The following MAST4 variants were observed in gnomAD, a reference collection of about 807,000 sequenced individuals.
MAST4 encodes the protein microtubule associated serine/threonine kinase family member 4.
MAST4 carries 89 observed loss-of-function variants against 162.7 expected under a neutral mutation model. That is an observed-to-expected ratio of 0.55 (90% CI 0.46 to 0.65). The LOEUF (loss-of-function observed/expected upper bound fraction) is 0.65. MAST4 is among the 30% of genes least tolerant of loss of function. The pLI is 0.00. For synonymous variants in MAST4, 1,479 were observed against 1,361.1 expected (o/e 1.09, Z -1.91); for missense variants, 3,153 against 3,374.0 (o/e 0.93, Z 1.62).
At chr5:67,005,135 G>C (rs1581171279) in intron 4 of MAST4, 1 of 722,476 alleles carries the variant, frequency 1.4e-6, no homozygotes, top group East Asian at 2.6e-5. Flanking sequence ...TCACTTCCCA[G>C]GGGCCCACAG....
intron 4 of MAST4, among the ~76,000 whole-genome samples, chr5:67,051,240 C>T (rs139021928): frequency 6.7e-6 from 1 of 149,722 alleles, no homozygotes; most frequent in Non-Finnish European, 1.5e-5. Flanking sequence ...AAGGAAGGAG[C>T]CTTTAATTTG....
At chr5:66,762,299 C>T (rs1464656517) in intron 2 of MAST4, among the ~76,000 whole-genome samples, 2 of 151,958 alleles carry the variant, frequency 1.3e-5, no homozygotes, top group Non-Finnish European at 2.9e-5. Flanking sequence ...TTTTTGAAGA[C>T]AGTTCCTTGA....
chr5:66,748,436 C>CCTCCCTCTCTCCCTCCCTCCCTCCCTCT (rs1561302726), intron 1 of MAST4, among the ~76,000 whole-genome samples: 2 of 5,404 alleles, frequency 3.7e-4, no homozygotes, highest in Non-Finnish European at 3.0e-4. Flanking sequence ...TCCCTCCCTC[C>CCTCCCTCTCTCCCTCCCTCCCTCCCTCT]CTCCCTCTCT....
intron 1 of MAST4, among the ~76,000 whole-genome samples, chr5:66,652,987 G>A (rs751588106): frequency 6.6e-6 from 1 of 152,176 alleles, no homozygotes; most frequent in Non-Finnish European, 1.5e-5. Flanking sequence ...GGTTCTGTCT[G>A]TAGGGAGTAG....
At chr5:66,884,360 T>G (rs888178248) in intron 3 of MAST4, among the ~76,000 whole-genome samples, 88 of 152,352 alleles carry the variant, frequency 5.8e-4, no homozygotes, top group African/African-American at 2.0e-3. Context: ...TAAGTTTTTC[T>G]TGTCAAATAA....
rs1554042173 is a variant in MAST4, at chr5:66,684,358, T to TACCAGGAGC, written c.364-75351_364-75350insACCAGGAGC. ...TGTAGTGCTTCTTTTCTTCCAGCTA[T>TACCAGGAGC]TTTTTTTTCTCTTTTCTTTTTTATG... On this transcript the variant is annotated intron_variant, in intron 1 of 28. Transcript: ENST00000403625. Among the ~76,000 whole-genome samples the TACCAGGAGC allele has an allele frequency of 8.1e-4, 10 of 12,386 alleles. No individual in the cohort carries two copies. The East Asian group carries it at 0.026, about 32-fold the overall frequency. The allele number at this position is 12,386 out of a possible 152,430, so 8.1% of individuals were successfully genotyped here.
Position 66,992,511 on chromosome 5 carries a change from T to C in MAST4, c.675-61893T>C, listed in dbSNP as rs76106949. 4.3e-3 allele frequency among the ~76,000 whole-genome samples: 651 copies of C among 152,308 alleles called. 9 individuals are homozygous for C. The highest frequency in any genetic ancestry group is 0.014 in the African/African-American group (581 of 41,570). On this transcript the variant is annotated intron_variant, in intron 4 of 28. Transcript: ENST00000403625. ...TCCCCATCACCTATACCTTGCACTT[T>C]CATCTTAAAGTTTCAGTCCCCTTTA...
chr5:66,826,136 C>A (rs778884642), intron 3 of MAST4, among the ~76,000 whole-genome samples: 3 of 152,108 alleles, frequency 2.0e-5, no homozygotes, highest in Non-Finnish European at 2.9e-5. Context: ...AGCAGCCTTT[C>A]ATTTTTGTCC....
chr5:66,623,501 A>T (rs1164025314), intron 1 of MAST4, among the ~76,000 whole-genome samples: 3 of 152,238 alleles, frequency 2.0e-5, no homozygotes, highest in Non-Finnish European at 4.4e-5. Flanking sequence ...ATACAATATG[A>T]TATGCCACAT....
intron 3 of MAST4, among the ~76,000 whole-genome samples, chr5:66,801,825 T>G (rs1755937385): frequency 6.6e-6 from 1 of 152,246 alleles, no homozygotes. Context: ...AGTAATTGCA[T>G]GTATTCAAAC....
In MAST4 at chr5:66,800,017, A is replaced by G. The variant is rs201588314; in HGVS notation, c.642+11223A>G. Among the ~76,000 whole-genome samples, 5 of 152,334 alleles carry G rather than the reference A, an allele frequency of 3.3e-5. No homozygotes were observed. The East Asian group carries it at 7.7e-4, about 24-fold the overall frequency. On this transcript the variant is annotated intron_variant, in intron 3 of 28. Transcript: ENST00000403625. ...TTAACTATTATTGTCATCTTGGACA[A>G]GAGGAGCTGATGTATTATTAGATTA...
chr5:66,634,195 G>T (rs1414563248), intron 1 of MAST4, among the ~76,000 whole-genome samples: 1 of 152,118 alleles, frequency 6.6e-6, no homozygotes, highest in East Asian at 1.9e-4. Flanking sequence ...GAGTTGCTGG[G>T]ATTACAGGCA....
intron 1 of MAST4, among the ~76,000 whole-genome samples, chr5:66,634,130 G>T (rs149710593): frequency 0.011 from 1,622 of 152,192 alleles, 28 homozygotes; most frequent in African/African-American, 0.036. Context: ...TGCAATCTTG[G>T]CTCACCGCAA....
chr5:66,715,885 T>G (rs1469171777), intron 1 of MAST4, among the ~76,000 whole-genome samples: 1 of 152,100 alleles, frequency 6.6e-6, no homozygotes, highest in Non-Finnish European at 1.5e-5. Context: ...ATGCTTTAAC[T>G]TTTAATCATT....
chr5:66,845,374 T>C (rs1273383739), intron 3 of MAST4, among the ~76,000 whole-genome samples: 10 of 151,708 alleles, frequency 6.6e-5, no homozygotes, highest in African/African-American at 2.4e-4. Flanking sequence ...CAGTGTTTGG[T>C]TTTTTGTCCT....
chr5:66,806,628 T>A (rs1367770729), intron 3 of MAST4, among the ~76,000 whole-genome samples: 1 of 152,232 alleles, frequency 6.6e-6, no homozygotes, highest in Non-Finnish European at 1.5e-5. Flanking sequence ...CTGCATTCTT[T>A]ATTGAATATT....
intron 5 of MAST4, among the ~76,000 whole-genome samples, chr5:67,056,845 G>A (rs1290181136): frequency 6.6e-6 from 1 of 151,846 alleles, no homozygotes; most frequent in Non-Finnish European, 1.5e-5. Flanking sequence ...TATAGGCCAT[G>A]CCACCATGCC....
intron 5 of MAST4, among the ~76,000 whole-genome samples, chr5:67,074,711 C>T (rs1248780765): frequency 6.6e-6 from 1 of 152,068 alleles, no homozygotes; most frequent in African/African-American, 2.4e-5. Flanking sequence ...GGTTTATGAT[C>T]TAATTTGAAA....
chr5:66,837,883 TATATATATATA>T lies in MAST4; in HGVS notation c.642+49090_642+49100del, dbSNP rs1172332858. Among the ~76,000 whole-genome samples, 22 of 53,750 alleles carry T rather than the reference TATATATATATA, an allele frequency of 4.1e-4. 1 individual carries two copies. Among genetic ancestry groups the T allele is most frequent in the African/African-American group, 1.3e-3 (14 of 10,556 alleles). 35.3% of individuals were successfully genotyped at this position (53,750 alleles called of 152,430 possible). ...TTGATTTTATATATATATATATATA[TATATATATATA>T]TTTTTTTTTTTTTTTTTTTTTTTAA... is the stretch of plus-strand genomic sequence containing the variant. On this transcript the variant is annotated intron_variant, in intron 3 of 28. Transcript: ENST00000403625.
Sources: allele counts gnomAD v4.1 joint callset (sites outside exome capture counted in the v4.1 genomes callset), GRCh38; gene constraint gnomAD v4.1.1; transcripts MANE v1.5; gene names NCBI Gene and HGNC (gene_info 2026-07-23, HGNC 2026-07-21).